Variants in SIPA1L3 observed in about 807,000 individuals in gnomAD.
SIPA1L3 encodes signal-induced proliferation-associated 1-like protein 3.
SIPA1L3 carries 59 observed loss-of-function variants against 150.1 expected under a neutral mutation model. The ratio of observed to expected loss-of-function variants is 0.39; its 90% CI spans 0.32 to 0.49. The LOEUF is 0.49. Ranked by LOEUF, SIPA1L3 falls within the 20% of genes least tolerant of loss-of-function variation. The pLI, the probability that SIPA1L3 is intolerant of heterozygous loss-of-function variation, is 0.86. For synonymous variants in SIPA1L3, 1,070 were observed against 1,077.6 expected, an observed-to-expected ratio of 0.99 and a Z score of 0.14; for missense variants, 2,211 against 2,489.5, an observed-to-expected ratio of 0.89 and a Z score of 2.38.
intron 3 of SIPA1L3, among the ~76,000 whole-genome samples, chr19:38,083,565 CG>C (rs1177798728): frequency 6.7e-6 from 1 of 149,204 alleles, no homozygotes; most frequent in African/African-American, 2.5e-5. Context: ...AATGGAGTGT[CG>C]GAGGGTGGGG....
intron 15 of SIPA1L3, among the ~76,000 whole-genome samples, chr19:38,170,246 T>C (rs552206980): frequency 2.6e-5 from 4 of 152,282 alleles, no homozygotes; most frequent in South Asian, 2.1e-4. Flanking sequence ...CCTCACTCCA[T>C]TGGCCTCCCA....
chr19:38,166,225 G>A (rs1161463037), intron 15 of SIPA1L3, among the ~76,000 whole-genome samples: 1 of 152,030 alleles, frequency 6.6e-6, no homozygotes, highest in Non-Finnish European at 1.5e-5. Flanking sequence ...GGAGGCCAAG[G>A]CGGGTGGATC....
At chr19:37,982,513 A>G (rs1292943750) in intron 1 of SIPA1L3, among the ~76,000 whole-genome samples, 1 of 152,170 alleles carries the variant, frequency 6.6e-6, no homozygotes, top group African/African-American at 2.4e-5. Context: ...CAGTAGCCCT[A>G]TGAGGTGGGA....
At chr19:38,071,265 C>CTATCTATCTATT (rs1269887866) in intron 2 of SIPA1L3, among the ~76,000 whole-genome samples, 1 of 151,710 alleles carries the variant, frequency 6.6e-6, no homozygotes. Context: ...ATCTATCTAT[C>CTATCTATCTATT]TGCCTGCCTA....
intron 19 of SIPA1L3, among the ~76,000 whole-genome samples, chr19:38,199,520 G>C (rs559834536): frequency 3.4e-4 from 52 of 152,314 alleles, no homozygotes; most frequent in African/African-American, 1.3e-3. Flanking sequence ...TGGTGGCACT[G>C]ATTTCTCCCC....
chr19:38,205,196 C>G (rs1244172740), intron 21 of SIPA1L3, among the ~76,000 whole-genome samples: 1 of 151,810 alleles, frequency 6.6e-6, no homozygotes, highest in Non-Finnish European at 1.5e-5. Flanking sequence ...TGGCTGGGTA[C>G]GTTGGCTCAC....
intron 1 of SIPA1L3, among the ~76,000 whole-genome samples, chr19:37,953,133 A>G: frequency 6.6e-6 from 1 of 152,224 alleles, no homozygotes; most frequent in East Asian, 1.9e-4. Flanking sequence ...CTGAGGCAGG[A>G]GAATGGCGTG....
intron 2 of SIPA1L3, among the ~76,000 whole-genome samples, chr19:38,055,946 G>A (rs921491960): frequency 6.6e-6 from 1 of 152,224 alleles, no homozygotes; most frequent in Non-Finnish European, 1.5e-5. Flanking sequence ...GAGCCCAGCC[G>A]AACTAGCCGA....
intron 15 of SIPA1L3, among the ~76,000 whole-genome samples, chr19:38,180,541 T>TC (rs926670053): frequency 3.6e-5 from 4 of 112,028 alleles, no homozygotes; most frequent in African/African-American, 1.4e-4. Context: ...TCTTTTCTTT[T>TC]TTTTTTTTTT....
chr19:38,182,896 C>CGA, intron 16 of SIPA1L3, 156 bp downstream of exon 16: 1 of 605,004 alleles, frequency 1.7e-6, no homozygotes, highest in Non-Finnish European at 2.9e-6. Context: ...GCAGGACAGG[C>CGA]GAGAACCCCT....
chr19:38,164,587 G>C lies in SIPA1L3; in HGVS notation c.3889G>C (p.Glu1297Gln). 6.2e-7 allele frequency: 1 copy of C among 1,614,120 alleles called. No individual in the cohort carries two copies. Among genetic ancestry groups the C allele is most frequent in the South Asian group, 1.1e-5 (1 of 91,072 alleles). The change falls in exon 15 of 22, where the codon GAG (glutamate) becomes CAG (glutamine). Residue 1297 changes from glutamate to glutamine, a missense_variant. Transcript: ENST00000222345. The surrounding 1 kb of genome is among the most constrained non-coding windows in gnomAD (Gnocchi z 4.1). ...CGACCCCCTGGACCCCCTGGAGCCA[G>C]AGCAAGACCCCCTCTCCAAGGGTGG... The part of the protein sequence containing the change: ...WFDPLDPLEP[E>Q]QDPLSKGGSS...
chr19:38,079,638 C>T (rs1969932741), intron 2 of SIPA1L3, among the ~76,000 whole-genome samples: 1 of 150,760 alleles, frequency 6.6e-6, no homozygotes, highest in African/African-American at 2.4e-5. Context: ...CTCATGCAAT[C>T]TCAACCTCCC....
chr19:37,926,673 G>C (rs1433696998), intron 1 of SIPA1L3, among the ~76,000 whole-genome samples: 1 of 152,160 alleles, frequency 6.6e-6, no homozygotes, highest in African/African-American at 2.4e-5. Flanking sequence ...GTGGAACCAG[G>C]GCACTGGCCT....
At chr19:37,976,643 C>T (rs1176654859) in intron 1 of SIPA1L3, among the ~76,000 whole-genome samples, 1 of 152,100 alleles carries the variant, frequency 6.6e-6, no homozygotes, top group Non-Finnish European at 1.5e-5. Context: ...CAACCTCACT[C>T]CTTATTCATA....
chr19:38,076,692 A>C (rs1475562262), intron 2 of SIPA1L3, among the ~76,000 whole-genome samples: 1 of 152,196 alleles, frequency 6.6e-6, no homozygotes, highest in Non-Finnish European at 1.5e-5. Flanking sequence ...GAAAAGTCAT[A>C]ACATTACAAG....
At chr19:37,979,377 T>C (rs1403880848) in intron 1 of SIPA1L3, among the ~76,000 whole-genome samples, 4 of 150,978 alleles carry the variant, frequency 2.6e-5, no homozygotes, top group Admixed American at 6.6e-5. Context: ...GGTGAAACCC[T>C]ATCTCTACTA....
rs572492883 is a variant in SIPA1L3 at position 37,952,953 on chromosome 19, C to T, written c.-379+45595C>T. ...TGTGTATGCACAGAGGATTCTTGGCCGGGCACGGTGGCTCACGCCTGTAAT... is the reference window on the plus strand; with the variant it reads ...TGTGTATGCACAGAGGATTCTTGGCTGGGCACGGTGGCTCACGCCTGTAAT... On this transcript the variant is annotated intron_variant, in intron 1 of 21. Transcript: ENST00000222345. Among the ~76,000 whole-genome samples the T allele has an allele frequency of 7.2e-5, 11 of 152,234 alleles. No homozygotes were observed. The East Asian group carries it at 9.7e-4, about 13-fold the overall frequency.
At chr19:38,120,429 G>A (rs761554035) in intron 9 of SIPA1L3, among the ~76,000 whole-genome samples, 6 of 152,102 alleles carry the variant, frequency 3.9e-5, no homozygotes, top group African/African-American at 1.2e-4. Flanking sequence ...CTGAGATGAC[G>A]CCACTGCACT....
At chr19:38,069,570 G>T (rs855601) in intron 2 of SIPA1L3, among the ~76,000 whole-genome samples, 28,728 of 152,126 alleles carry the variant, frequency 0.19, 2,983 homozygotes, top group African/African-American at 0.26. Context: ...ATCAGCTGCC[G>T]AGCTTTTAAG....
Sources: gnomAD v4.1 joint callset for allele counts (sites outside exome capture counted in the v4.1 genomes callset) on GRCh38, gnomAD v4.1.1 for gene constraint, Gnocchi (gnomAD v3.1) non-coding constraint, MANE v1.5 for transcripts, NCBI Gene and HGNC (gene_info 2026-07-23, HGNC 2026-07-21) for gene names.